The following HNRNPD variants were observed in gnomAD, a reference collection of about 807,000 sequenced individuals.
HNRNPD encodes heterogeneous nuclear ribonucleoprotein D0.
Under a neutral mutation model 47.9 loss-of-function variants are expected in HNRNPD, and 3 were observed. That is an observed-to-expected ratio of 0.06 (90% confidence interval 0.03 to 0.16). The LOEUF is 0.16. Among genes scored for constraint, HNRNPD ranks in the 10% least tolerant of loss-of-function variants. HNRNPD has a pLI of 1.00. For missense variants in HNRNPD, 287 were observed against 454.2 expected (o/e 0.63, Z 3.35); for synonymous variants, 171 against 165.1 (o/e 1.04, Z -0.28).
intron 7 of HNRNPD, chr4:82,355,832 T>C (rs1723691268): frequency 5.9e-6 from 1 of 170,100 alleles, no homozygotes; most frequent in East Asian, 1.7e-4. Context: ...TGACTTTAAT[T>C]AACCTATTAT....
chr4:82,367,270 G>A lies in HNRNPD; in HGVS notation c.290+4258C>T, dbSNP rs1719813536. On this transcript the variant is annotated intron_variant, in intron 2 of 8. Transcript: ENST00000313899. ...AATAAGCTCTCAATCAGCTTTGTAA[G>A]GTAAACTCCCATTTACCTAGAGGTT... Among the ~76,000 whole-genome samples the A allele has an allele frequency of 2.6e-5, 4 of 152,048 alleles. No individual in the cohort carries two copies. In the South Asian group the frequency reaches 8.3e-4, roughly 32 times the overall value.
chr4:82,357,524 A>T (rs976382515), intron 4 of HNRNPD, 80 bp from the exon 5 acceptor site: 12 of 1,215,618 alleles, frequency 9.9e-6, no homozygotes, highest in Admixed American at 8.6e-5. Flanking sequence ...GAGGGGGGAA[A>T]ACACACAAAG....
At chr4:82,357,053 G>C (rs1480923451) in intron 5 of HNRNPD, among the ~76,000 whole-genome samples, 158 bp from the exon 6 acceptor site, 1 of 152,158 alleles carries the variant, frequency 6.6e-6, no homozygotes, top group Admixed American at 6.5e-5. Flanking sequence ...TAGTACTTAA[G>C]AGTAATCACT....
At chr4:82,372,973 A>G (rs1228010639) in intron 1 of HNRNPD, 3 of 348,000 alleles carry the variant, frequency 8.6e-6, no homozygotes, top group Non-Finnish European at 1.7e-5. Flanking sequence ...ATGTGCTTAT[A>G]AACAATCGCA....
At chr4:82,362,924 T>C (rs1719547775) in intron 2 of HNRNPD, among the ~76,000 whole-genome samples, 1 of 151,946 alleles carries the variant, frequency 6.6e-6, no homozygotes, top group Non-Finnish European at 1.5e-5. Context: ...TATAGTACAA[T>C]GGGGAAAAGT....
In HNRNPD at chr4:82,353,476, A is replaced by AT. The variant is rs1491034792; in HGVS notation, c.*708dup. 2.0e-5 allele frequency: 3 copies of AT among 152,620 alleles called. No individual in the cohort carries two copies. Among genetic ancestry groups the AT allele is most frequent in the African/African-American group, 7.2e-5 (3 of 41,460 alleles). 9.5% of individuals were successfully genotyped at this position (152,620 alleles called of 1,614,324 possible). On this transcript the variant is annotated 3_prime_UTR_variant, in exon 9 of 9. Coordinates refer to ENST00000313899, the MANE Select transcript of HNRNPD (RefSeq NM_031370.3). The stretch of plus-strand genomic sequence containing the variant: ...TTTTTATTTAATGGAAGCATAAAAC[A>AT]TTAACTATCTGTGCAAAGGGGTACT...
chr4:82,363,406 TTTAA>T (rs1335304918), intron 2 of HNRNPD, among the ~76,000 whole-genome samples: 1 of 152,190 alleles, frequency 6.6e-6, no homozygotes, highest in African/African-American at 2.4e-5. Context: ...GTATCTTGCT[TTTAA>T]AGCACATGTA....
At chr4:82,358,966 G>T in intron 3 of HNRNPD, 146 bp from the exon 4 acceptor site, 1 of 638,896 alleles carries the variant, frequency 1.6e-6, no homozygotes, top group Non-Finnish European at 2.7e-6. Context: ...TCATGGTGGT[G>T]ATGTAACATC....
At chr4:82,361,538 AT>A (rs1179447893) in intron 2 of HNRNPD, among the ~76,000 whole-genome samples, 1 of 152,206 alleles carries the variant, frequency 6.6e-6, no homozygotes, top group Non-Finnish European at 1.5e-5. Flanking sequence ...TAACAAAAAC[AT>A]TTTTTAAGCT....
At position 82,353,290 on chromosome 4, in the gene HNRNPD, G is replaced by T. The variant is rs1486445220; in HGVS notation, c.*895C>A. 6.6e-6 allele frequency: 1 copy of T among 152,026 alleles called. No individual in the cohort carries two copies. The highest frequency in any genetic ancestry group is 2.4e-5 in the African/African-American group (1 of 41,390). 9.4% of individuals were successfully genotyped at this position (152,026 alleles called of 1,614,324 possible). Reference sequence around the variant, plus strand: ...AAAAAAATAAAACCTTTGAGAAATGGAAAATAAAATCATTCAAACAAATAA... The same window carrying T: ...AAAAAAATAAAACCTTTGAGAAATGTAAAATAAAATCATTCAAACAAATAA... On this transcript the variant is annotated 3_prime_UTR_variant, in exon 9 of 9. Transcript: ENST00000313899.
At chr4:82,363,296 G>A (rs1719582805) in intron 2 of HNRNPD, among the ~76,000 whole-genome samples, 1 of 151,814 alleles carries the variant, frequency 6.6e-6, no homozygotes, top group Admixed American at 6.6e-5. Flanking sequence ...GGTCAGGCTG[G>A]TCTCGAACTC....
intron 2 of HNRNPD, 23 bp downstream of exon 2, chr4:82,371,505 G>C: frequency 6.3e-7 from 1 of 1,586,870 alleles, no homozygotes; most frequent in African/African-American, 1.4e-5. Flanking sequence ...TTATAATACA[G>C]AAATAAAATT....
chr4:82,354,280 GAT>G (rs1553894981), intron 8 of HNRNPD, 126 bp from the exon 9 acceptor site: 4 of 152,226 alleles, frequency 2.6e-5, no homozygotes, highest in African/African-American at 7.2e-5. Context: ...TTAAATGTGT[GAT>G]ATGTTTTATA....
At chr4:82,357,629 A>G in intron 4 of HNRNPD, 185 bp from the exon 5 acceptor site, 1 of 464,752 alleles carries the variant, frequency 2.2e-6, no homozygotes, top group South Asian at 4.5e-5. Flanking sequence ...CACCCATTCC[A>G]TCTAAGGTCT....
At chr4:82,365,468 G>C (rs963019635) in intron 2 of HNRNPD, among the ~76,000 whole-genome samples, 2 of 151,820 alleles carry the variant, frequency 1.3e-5, no homozygotes, top group Admixed American at 1.3e-4. Flanking sequence ...AAGGGAGGAG[G>C]TTACAATGCA....
chr4:82,369,312 T>C (rs1377531235), intron 2 of HNRNPD, among the ~76,000 whole-genome samples: 1 of 152,086 alleles, frequency 6.6e-6, no homozygotes, highest in Non-Finnish European at 1.5e-5. Flanking sequence ...AAAGAGTAAA[T>C]CAAAGTGAAC....
chr4:82,363,167 C>G (rs1402019802), intron 2 of HNRNPD, among the ~76,000 whole-genome samples: 1 of 151,990 alleles, frequency 6.6e-6, no homozygotes. Flanking sequence ...ACCTCCACCT[C>G]CCGGGTTCAA....
rs182273159 is a variant in HNRNPD, at chr4:82,367,565, G to A, written c.290+3963C>T. ...ATTTTCTCATGGCTTCATCTATCTT[G>A]CTCATAAGACTAAATGGGGAGACAG... On this transcript the variant is annotated intron_variant, in intron 2 of 8. Transcript: ENST00000313899. Among the ~76,000 whole-genome samples, 31 of 152,128 alleles carry A rather than the reference G, an allele frequency of 2.0e-4. 1 individual carries two copies. The highest frequency in any genetic ancestry group is 3.4e-3 in the Middle Eastern group (1 of 294).
chr4:82,358,908 C>G (rs1578048076), intron 3 of HNRNPD, 88 bp from the exon 4 acceptor site: 6 of 958,302 alleles, frequency 6.3e-6, no homozygotes, highest in Non-Finnish European at 9.2e-6. Context: ...ACTATAAATA[C>G]AGATAATGCC....
Sources: gnomAD v4.1 joint callset for allele counts (sites outside exome capture counted in the v4.1 genomes callset) on GRCh38, gnomAD v4.1.1 for gene constraint, MANE v1.5 for transcripts, NCBI Gene and HGNC (gene_info 2026-07-23, HGNC 2026-07-21) for gene names.